MAP7: variants seen among roughly 807,000 people sequenced by gnomAD.
MAP7 encodes microtubule associated protein 7.
A neutral mutation model predicts 94.8 loss-of-function variants in MAP7; 52 were observed. The observed-to-expected ratio is 0.55, with a 90% CI of 0.44 to 0.69. MAP7 has a LOEUF of 0.69. Among genes scored for constraint, MAP7 ranks in the 30% least tolerant of loss-of-function variants. The pLI is 0.00. For missense variants in MAP7, 940 were observed against 964.6 expected, an observed-to-expected ratio of 0.97 and a Z score of 0.34; for synonymous variants, 350 against 357.0, an observed-to-expected ratio of 0.98 and a Z score of 0.22.
At chr6:136,510,451 A>G (rs1377170667) in intron 1 of MAP7, among the ~76,000 whole-genome samples, 1 of 152,166 alleles carries the variant, frequency 6.6e-6, no homozygotes, top group Non-Finnish European at 1.5e-5. Flanking sequence ...GGGCTTGACA[A>G]AACACCAGTG....
At chr6:136,416,632 CCT>C (rs1409339150) in intron 2 of MAP7, among the ~76,000 whole-genome samples, 1 of 151,808 alleles carries the variant, frequency 6.6e-6, no homozygotes, top group African/African-American at 2.4e-5. Flanking sequence ...ATGGCGAAAC[CCT>C]GTCTCTACTA....
chr6:136,353,781 G>A (rs1348153086), intron 16 of MAP7, among the ~76,000 whole-genome samples: 2 of 152,078 alleles, frequency 1.3e-5, no homozygotes, highest in African/African-American at 2.4e-5. Context: ...TTAAACTCCT[G>A]AACTCAAGTG....
intron 1 of MAP7, among the ~76,000 whole-genome samples, chr6:136,443,449 CTTTTTTT>C (rs149514831): frequency 1.0e-5 from 1 of 99,938 alleles, no homozygotes; most frequent in African/African-American, 3.7e-5. Context: ...TCCCCTTCTA[CTTTTTTT>C]TTTTTTTTTT....
At chr6:136,487,900 G>A (rs1436632123) in intron 1 of MAP7, among the ~76,000 whole-genome samples, 4 of 152,236 alleles carry the variant, frequency 2.6e-5, no homozygotes, top group South Asian at 4.1e-4. Flanking sequence ...CACTTCATAC[G>A]CTAATATACA....
Position 136,407,078 on chromosome 6 carries a change from T to C in MAP7, c.244+4542A>G, listed in dbSNP as rs902951396. ...CTAAATGGGATTATACATAGTGAAG[T>C]GTTTAGAACACTGCCTGGCCCATAG... On this transcript the variant is annotated intron_variant, in intron 3 of 17. Coordinates refer to ENST00000354570, the MANE Select transcript of MAP7 (RefSeq NM_003980.6). 1.6e-4 allele frequency among the ~76,000 whole-genome samples: 25 copies of C among 152,362 alleles called. No individual in the cohort carries two copies. The East Asian group carries it at 4.4e-3, about 27-fold the overall frequency.
In MAP7 at chr6:136,365,894, C is replaced by T. The variant is rs369434039; in HGVS notation, c.1114G>A (p.Val372Ile). Residue 372 changes from valine to isoleucine, a missense_variant, in exon 10 of 18, where the codon GTC (valine) becomes ATC (isoleucine). Val to Ile is a conservative substitution (Grantham distance 29). Coordinates refer to ENST00000354570, the MANE Select transcript of MAP7 (RefSeq NM_003980.6). ...GGCTCCACTTTGACTTCCCTCTTGA[C>T]AGGGCGGATGTTGCCGGGGGATGGG... ...RPPSPGNIRP[V>I]KREVKVEPEK... 1 of 1,614,050 alleles carries T rather than the reference C, an allele frequency of 6.2e-7. No individual in the cohort carries two copies. Among genetic ancestry groups the T allele is most frequent in the African/African-American group, 1.3e-5 (1 of 74,922 alleles).
At chr6:136,494,387 T>C (rs3778312) in intron 1 of MAP7, among the ~76,000 whole-genome samples, 40,790 of 152,070 alleles carry the variant, frequency 0.27, 7,015 homozygotes, top group African/African-American at 0.48. Flanking sequence ...TTAGCAAACA[T>C]ATTTTACTTA....
chr6:136,449,227 G>A (rs929968170), intron 1 of MAP7, among the ~76,000 whole-genome samples: 32 of 152,074 alleles, frequency 2.1e-4, no homozygotes, highest in African/African-American at 4.8e-4. Flanking sequence ...CCCAGGAGGC[G>A]GAGCTCGCAG....
chr6:136,411,249 C>A (rs1425979315), intron 3 of MAP7, among the ~76,000 whole-genome samples: 1 of 152,160 alleles, frequency 6.6e-6, no homozygotes, highest in African/African-American at 2.4e-5. Context: ...TCAATGGCAG[C>A]ATTATTTTAA....
chr6:136,504,558 T>C (rs1259390875), intron 1 of MAP7, among the ~76,000 whole-genome samples: 1 of 151,850 alleles, frequency 6.6e-6, no homozygotes, highest in African/African-American at 2.4e-5. Flanking sequence ...TTGGCCAGGC[T>C]CATCTCGAAC....
chr6:136,456,809 A>AG lies in MAP7; in HGVS notation c.68-35011dup, dbSNP rs1159292386. 3.8e-3 allele frequency among the ~76,000 whole-genome samples: 331 copies of AG among 87,262 alleles called. 1 individual carries two copies. Among genetic ancestry groups the AG allele is most frequent in the South Asian group, 6.6e-3 (15 of 2,276 alleles). The allele number at this position is 87,262 out of a possible 152,430, so 57.2% of individuals were successfully genotyped here. Reference sequence around the variant, plus strand: ...AAGAAGAAGAAGAAGAAGAAGAAGAAGAAGAAGAAGAAGGAAGAAGAAGAA... The same window carrying AG: ...AAGAAGAAGAAGAAGAAGAAGAAGAAGGAAGAAGAAGAAGGAAGAAGAAGAA... On this transcript the variant is annotated intron_variant, in intron 1 of 17. Transcript: ENST00000354570.
intron 1 of MAP7, among the ~76,000 whole-genome samples, chr6:136,455,696 C>A (rs904864018): frequency 6.6e-6 from 1 of 152,018 alleles, no homozygotes; most frequent in Non-Finnish European, 1.5e-5. Context: ...TACTCTTAAC[C>A]AATGAATGGG....
At chr6:136,504,477 T>C (rs1583085906) in intron 1 of MAP7, among the ~76,000 whole-genome samples, 1 of 151,622 alleles carries the variant, frequency 6.6e-6, no homozygotes. Flanking sequence ...GCCTCCCAAG[T>C]AGCTGGGACT....
chr6:136,539,320 G>A (rs1229347952), intron 1 of MAP7, among the ~76,000 whole-genome samples: 3 of 152,166 alleles, frequency 2.0e-5, no homozygotes, highest in Non-Finnish European at 4.4e-5. Flanking sequence ...GTACCAAGTG[G>A]TGGAGCTGAG....
chr6:136,446,342 GC>G (rs1350729356), intron 1 of MAP7, among the ~76,000 whole-genome samples: 1 of 151,928 alleles, frequency 6.6e-6, no homozygotes, highest in African/African-American at 2.4e-5. Flanking sequence ...ATAGGGTACA[GC>G]ATGGGAGAAG....
At chr6:136,364,797 G>A (rs1793835842) in intron 10 of MAP7, 1 of 154,550 alleles carries the variant, frequency 6.5e-6, no homozygotes, top group Admixed American at 6.5e-5. Flanking sequence ...TTGTATGTAA[G>A]CCACCTTTCA....
chr6:136,398,700 T>C (rs1377662052), intron 3 of MAP7, among the ~76,000 whole-genome samples: 1 of 152,240 alleles, frequency 6.6e-6, no homozygotes, highest in Non-Finnish European at 1.5e-5. Flanking sequence ...CCTGCTACGA[T>C]TCTGAGGTCT....
chr6:136,374,700 A>G (rs773115375), intron 7 of MAP7, among the ~76,000 whole-genome samples: 1 of 152,210 alleles, frequency 6.6e-6, no homozygotes, highest in Non-Finnish European at 1.5e-5. Flanking sequence ...ACATGATACT[A>G]AATATGGGTT....
intron 1 of MAP7, among the ~76,000 whole-genome samples, chr6:136,538,824 A>G (rs1434227031): frequency 4.1e-5 from 6 of 146,154 alleles, no homozygotes; most frequent in Non-Finnish European, 7.5e-5. Context: ...AAAAAAAGCC[A>G]AGAAGGGCTT....
Sources: gnomAD v4.1 joint callset for allele counts (sites outside exome capture counted in the v4.1 genomes callset) on GRCh38, gnomAD v4.1.1 for gene constraint, MANE v1.5 for transcripts, NCBI Gene and HGNC (gene_info 2026-07-23, HGNC 2026-07-21) for gene names.